The following HECW2 variants were observed in gnomAD, a reference collection of about 807,000 sequenced individuals.
HECW2 encodes the protein E3 ubiquitin-protein ligase HECW2.
Under a neutral mutation model 175.2 loss-of-function variants are expected in HECW2, and 61 were observed. The ratio of observed to expected loss-of-function variants is 0.35; its 90% CI spans 0.28 to 0.43. The LOEUF is 0.43. Ranked by LOEUF, HECW2 falls within the 20% of genes least tolerant of loss-of-function variation. HECW2 has a pLI of 1.00. For missense variants in HECW2, 1,524 were observed against 2,000.5 expected (o/e 0.76, Z 4.54); for synonymous variants, 671 against 731.0 (o/e 0.92, Z 1.32).
At chr2:196,300,548 C>G (rs936923718) in intron 13 of HECW2, among the ~76,000 whole-genome samples, 1 of 152,162 alleles carries the variant, frequency 6.6e-6, no homozygotes, top group African/African-American at 2.4e-5. Context: ...TGAAAATATT[C>G]TTGTTGGAAT....
chr2:196,201,163 A>T lies in HECW2; in HGVS notation c.*114T>A, dbSNP rs779838136. ...GCACTTGTTCCTGGAAAACAACAGC[A>T]CATAGCTTTATCCTAAAGGAAGCAT... On this transcript the variant is annotated 3_prime_UTR_variant, in exon 29 of 29. Coordinates refer to ENST00000644978, the MANE Select transcript of HECW2 (RefSeq NM_001348768.2). 2.7e-6 allele frequency: 2 copies of T among 732,756 alleles called. No individual in the cohort carries two copies. Among genetic ancestry groups the T allele is most frequent in the Non-Finnish European group, 4.9e-6 (2 of 406,606 alleles). The allele number at this position is 732,756 out of a possible 1,614,324, so 45.4% of individuals were successfully genotyped here. A position where few individuals can be genotyped will look rare whatever the true frequency, so the allele number is the denominator to read the frequency against.
chr2:196,219,388 A>G (rs1687586111), intron 26 of HECW2, among the ~76,000 whole-genome samples: 1 of 152,212 alleles, frequency 6.6e-6, no homozygotes, highest in Admixed American at 6.5e-5. Flanking sequence ...TCAAATTTCA[A>G]TGGCTTTGGT....
At chr2:196,564,154 A>G (rs1372881946) in intron 1 of HECW2, among the ~76,000 whole-genome samples, 2 of 152,188 alleles carry the variant, frequency 1.3e-5, no homozygotes, top group African/African-American at 4.8e-5. Flanking sequence ...AAGTGAATCT[A>G]AAAAATGGGA....
intron 28 of HECW2, among the ~76,000 whole-genome samples, chr2:196,204,051 G>T (rs1419457463): frequency 6.6e-6 from 1 of 152,064 alleles, no homozygotes; most frequent in Non-Finnish European, 1.5e-5. Flanking sequence ...CCTTTTTAAG[G>T]CTGAATAATG....
chr2:196,283,874 T>C (rs1317137539), intron 14 of HECW2, among the ~76,000 whole-genome samples: 1 of 152,212 alleles, frequency 6.6e-6, no homozygotes, highest in Non-Finnish European at 1.5e-5. Flanking sequence ...CATTCACCTT[T>C]AATACAGCCA....
Position 196,554,472 on chromosome 2 carries a change from C to T in HECW2, c.-36+39036G>A, listed in dbSNP as rs1002531439. ...TATGAAAAAACTGAAGAAACATCTA[C>T]TAACTAAATGTTAGTAAAACTAAAA... On this transcript the variant is annotated intron_variant, in intron 1 of 28. Coordinates refer to ENST00000644978, the MANE Select transcript of HECW2 (RefSeq NM_001348768.2). 3.3e-5 allele frequency among the ~76,000 whole-genome samples: 5 copies of T among 152,334 alleles called. No homozygotes were observed. The South Asian group carries it at 1.0e-3, about 32-fold the overall frequency.
chr2:196,270,310 T>A (rs1427174191), intron 17 of HECW2, among the ~76,000 whole-genome samples: 2 of 152,108 alleles, frequency 1.3e-5, no homozygotes, highest in African/African-American at 4.8e-5. Context: ...AAATCTTGCT[T>A]CCCAAACTTA....
intron 1 of HECW2, among the ~76,000 whole-genome samples, chr2:196,457,103 C>T (rs1358401): frequency 0.3 from 45,426 of 152,044 alleles, 7,695 homozygotes; most frequent in African/African-American, 0.47. Context: ...TGAGTAGGTA[C>T]GGCATGGAAT....
chr2:196,463,287 A>G (rs1404792405), intron 1 of HECW2, among the ~76,000 whole-genome samples: 1 of 152,114 alleles, frequency 6.6e-6, no homozygotes, highest in Non-Finnish European at 1.5e-5. Context: ...TGAGTTCTCT[A>G]AAAATACCAC....
intron 3 of HECW2, among the ~76,000 whole-genome samples, chr2:196,340,100 G>A (rs963416947): frequency 6.9e-6 from 1 of 145,062 alleles, no homozygotes; most frequent in African/African-American, 2.9e-5. Context: ...GTGAGTTAAA[G>A]ATAAACAAAT....
chr2:196,449,665 A>G (rs1162526788), intron 1 of HECW2, among the ~76,000 whole-genome samples: 1 of 152,206 alleles, frequency 6.6e-6, no homozygotes, highest in Non-Finnish European at 1.5e-5. Flanking sequence ...TTATAAATAA[A>G]TTATTTTTGC....
intron 2 of HECW2, among the ~76,000 whole-genome samples, chr2:196,358,572 C>A (rs2105875867): frequency 1.1e-5 from 1 of 92,250 alleles, no homozygotes. Context: ...GGAGACAGAG[C>A]AAGACTCTGT....
In HECW2 at chr2:196,240,509, C is replaced by G. The variant is rs142674505; in HGVS notation, c.3704G>C (p.Gly1235Ala). 18 of 1,612,028 alleles carry G rather than the reference C, an allele frequency of 1.1e-5. No individual in the cohort carries two copies. The highest frequency in any genetic ancestry group is 1.6e-4 in the Middle Eastern group (1 of 6,082). The change falls in exon 21 of 29, where the codon GGC (glycine) becomes GCC (alanine). Residue 1235 changes from glycine (G) to alanine (A), a missense_variant. This residue lies in a region of HECW2 where 291 missense variants were observed against 412.2 expected (regional missense o/e 0.71). Coordinates refer to ENST00000644978, the MANE Select transcript of HECW2 (RefSeq NM_001348768.2). ...LLEDAFNQIM[G>A]YSRKDLQRNK... ...TCTCTGCAGGTCTTTTCTGGAGTAG[C>G]CCATAATCTGATTAAAAGCATCTTC...
At chr2:196,510,687 ATTG>A (rs1687916734) in intron 1 of HECW2, among the ~76,000 whole-genome samples, 1 of 151,954 alleles carries the variant, frequency 6.6e-6, no homozygotes, top group African/African-American at 2.4e-5. Context: ...AAATATGGGA[ATTG>A]TTATTTTTTT....
chr2:196,347,437 C>G (rs1692998899), intron 2 of HECW2, among the ~76,000 whole-genome samples: 1 of 152,102 alleles, frequency 6.6e-6, no homozygotes, highest in South Asian at 2.1e-4. Flanking sequence ...GTCTCGAACT[C>G]CTGACCTTGG....
At chr2:196,325,836 C>T (rs1204866557) in intron 5 of HECW2, among the ~76,000 whole-genome samples, 1 of 152,154 alleles carries the variant, frequency 6.6e-6, no homozygotes, top group Admixed American at 6.5e-5. Flanking sequence ...TCCTATAACT[C>T]ACCTTAGATT....
chr2:196,267,456 T>C (rs1033581652), intron 17 of HECW2, among the ~76,000 whole-genome samples: 4 of 152,132 alleles, frequency 2.6e-5, no homozygotes, highest in African/African-American at 9.7e-5. Flanking sequence ...ATGGGGACAC[T>C]ACCCATTTTA....
intron 1 of HECW2, among the ~76,000 whole-genome samples, chr2:196,589,462 C>G (rs1691103733): frequency 6.6e-6 from 1 of 152,172 alleles, no homozygotes; most frequent in Admixed American, 6.5e-5. Context: ...TGCACAATCT[C>G]AAACCCCCAA....
At position 196,324,960 on chromosome 2, in the gene HECW2, AC is replaced by A; in HGVS notation, c.741+19del. 2 of 1,533,020 alleles carry A rather than the reference AC, an allele frequency of 1.3e-6. No homozygotes were observed. Among genetic ancestry groups the A allele is most frequent in the East Asian group, 2.3e-5 (1 of 43,518 alleles). 95.0% of individuals were successfully genotyped at this position (1,533,020 alleles called of 1,614,324 possible). ...TGACTTCCTCACCATCAAGTAGGAGACCCCCGAGGATCATCTTACCTCTCGG... is the reference window on the plus strand; with the variant it reads ...TGACTTCCTCACCATCAAGTAGGAGACCCCGAGGATCATCTTACCTCTCGG... On this transcript the variant is annotated intron_variant, in intron 6 of 28. Transcript: ENST00000644978.
Sources: gnomAD v4.1 joint callset for allele counts (sites outside exome capture counted in the v4.1 genomes callset) on GRCh38, gnomAD v4.1.1 for gene constraint, gnomAD v4.1.1 regional missense constraint, MANE v1.5 for transcripts, NCBI Gene and HGNC (gene_info 2026-07-23, HGNC 2026-07-21) for gene names.